VPS13A: variants seen among roughly 807,000 people sequenced by gnomAD.
VPS13A encodes intermembrane lipid transfer protein VPS13A.
Under a neutral mutation model 390.9 loss-of-function variants are expected in VPS13A, and 264 were observed. The observed-to-expected ratio is 0.68, with a 90% CI of 0.61 to 0.75. The LOEUF is 0.75. Ranked by LOEUF, VPS13A falls within the 30% of genes least tolerant of loss-of-function variation. The pLI, the probability that VPS13A is intolerant of heterozygous loss-of-function variation, is 0.00. For synonymous variants in VPS13A, 1,231 were observed against 1,227.1 expected, an observed-to-expected ratio of 1.00 and a Z score of -0.07; for missense variants, 3,409 against 3,733.9, an observed-to-expected ratio of 0.91 and a Z score of 2.27.
chr9:77,269,598 T>C (rs1304775068), intron 23 of VPS13A, among the ~76,000 whole-genome samples: 1 of 152,224 alleles, frequency 6.6e-6, no homozygotes, highest in African/African-American at 2.4e-5. Context: ...GTATCATTAA[T>C]TTGGGAGAAT....
intron 71 of VPS13A, among the ~76,000 whole-genome samples, chr9:77,410,509 TAG>T (rs572625579): frequency 0.012 from 1,846 of 150,754 alleles, 39 homozygotes; most frequent in African/African-American, 0.042. Flanking sequence ...GCAAATTGGA[TAG>T]AGTCAAGACC....
At chr9:77,184,033 A>G (rs1360914984) in intron 1 of VPS13A, among the ~76,000 whole-genome samples, 1 of 152,230 alleles carries the variant, frequency 6.6e-6, no homozygotes, top group East Asian at 1.9e-4. Flanking sequence ...CAGCATGTGT[A>G]TCATTAGAGT....
intron 9 of VPS13A, 38 bp downstream of exon 9, chr9:77,213,352 T>C: frequency 6.6e-7 from 1 of 1,519,770 alleles, no homozygotes; most frequent in Non-Finnish European, 9.1e-7. Flanking sequence ...GTTGGTATCA[T>C]ATTTTGCATG....
At chr9:77,350,640 T>TACA (rs1831404326) in intron 52 of VPS13A, among the ~76,000 whole-genome samples, 1 of 152,178 alleles carries the variant, frequency 6.6e-6, no homozygotes, top group Non-Finnish European at 1.5e-5. Context: ...AGAGTAACAT[T>TACA]TTTATTTTCT....
chr9:77,324,146 A>G (rs1323768737), intron 45 of VPS13A, among the ~76,000 whole-genome samples: 1 of 152,222 alleles, frequency 6.6e-6, no homozygotes, highest in Non-Finnish European at 1.5e-5. Context: ...TACAGGTTAT[A>G]TTAACCTCTA....
intron 1 of VPS13A, among the ~76,000 whole-genome samples, chr9:77,192,536 G>T (rs747378287): frequency 6.6e-6 from 1 of 152,136 alleles, no homozygotes; most frequent in Non-Finnish European, 1.5e-5. Flanking sequence ...GGCAAGTCTG[G>T]TGGTAATGAG....
chr9:77,219,851 G>T, intron 10 of VPS13A, 103 bp from the exon 11 acceptor site: 1 of 1,182,712 alleles, frequency 8.5e-7, no homozygotes, highest in Non-Finnish European at 1.2e-6. Context: ...CTGTAGAAGG[G>T]GTATAAAATA....
At chr9:77,402,822 C>T (rs1306306296) in intron 68 of VPS13A, among the ~76,000 whole-genome samples, 2 of 152,174 alleles carry the variant, frequency 1.3e-5, no homozygotes, top group Admixed American at 1.3e-4. Context: ...AAATTTCTAG[C>T]GCAAGGCAGA....
rs57841628 is a variant in VPS13A, at chr9:77,341,691, C to CTTTTTTTTTTTTTTTTTTTTTTTTTTT, written c.7026+1144_7026+1170dup. 1.1e-3 allele frequency among the ~76,000 whole-genome samples: 41 copies of CTTTTTTTTTTTTTTTTTTTTTTTTTTT among 37,842 alleles called. 7 individuals carry two copies. The highest frequency in any genetic ancestry group is 1.3e-3 in the Non-Finnish European group (29 of 21,612). 24.8% of individuals were successfully genotyped at this position (37,842 alleles called of 152,430 possible). A position where few individuals can be genotyped will look rare whatever the true frequency, so the allele number is the denominator to read the frequency against. On this transcript the variant is annotated intron_variant, in intron 50 of 71. Coordinates refer to ENST00000360280, the MANE Select transcript of VPS13A (RefSeq NM_033305.3). ...AGTAAGTTCTACATGGACATCTTTCCTTTTTTTTTTTTTTTTTTTTTTTTT... is the reference window on the plus strand; with the variant it reads ...AGTAAGTTCTACATGGACATCTTTCCTTTTTTTTTTTTTTTTTTTTTTTTTTTTTTTTTTTTTTTTTTTTTTTTTTTT...
At chr9:77,392,347 A>T (rs188922509) in intron 68 of VPS13A, among the ~76,000 whole-genome samples, 21 of 152,324 alleles carry the variant, frequency 1.4e-4, no homozygotes, top group African/African-American at 4.6e-4. Flanking sequence ...AATAAAAATT[A>T]TTTTGAGATA....
intron 62 of VPS13A, among the ~76,000 whole-genome samples, chr9:77,368,563 A>G (rs1832571271): frequency 6.6e-6 from 1 of 152,172 alleles, no homozygotes; most frequent in Admixed American, 6.5e-5. Flanking sequence ...GTTTTAGGAT[A>G]TAACTTAGAG....
Position 77,416,091 on chromosome 9 carries a change from C to A in VPS13A, c.*85C>A. 6.7e-7 allele frequency: 1 copy of A among 1,493,506 alleles called. No homozygotes were observed. Among genetic ancestry groups the A allele is most frequent in the Non-Finnish European group, 9.3e-7 (1 of 1,072,900 alleles). The allele number at this position is 1,493,506 out of a possible 1,614,324, so 92.5% of individuals were successfully genotyped here. A position where few individuals can be genotyped will look rare whatever the true frequency, so the allele number is the denominator to read the frequency against. On this transcript the variant is annotated 3_prime_UTR_variant, in exon 72 of 72. Transcript: ENST00000360280. ...CAAAACCTGTTTGGGAAGCATATTA[C>A]AGAAATGATTTCAAGTACCCTGTAT...
In VPS13A at chr9:77,417,649, A is replaced by C. The variant is rs1489059677; in HGVS notation, c.*1643A>C. 1 of 152,172 alleles carries C rather than the reference A, an allele frequency of 6.6e-6. No individual in the cohort carries two copies. The highest frequency in any genetic ancestry group is 6.6e-5 in the Admixed American group (1 of 15,264). 9.4% of individuals were successfully genotyped at this position (152,172 alleles called of 1,614,324 possible). A position where few individuals can be genotyped will look rare whatever the true frequency, so the allele number is the denominator to read the frequency against. ...GAGGTAGTCAGAAAGCTTGCATCAG[A>C]CTGTCCTCATCCAAAACGAAATACT... On this transcript the variant is annotated 3_prime_UTR_variant, in exon 72 of 72. Transcript: ENST00000360280.
chr9:77,206,012 A>T lies in VPS13A; in HGVS notation c.318A>T (p.Gln106His). 1 of 1,583,350 alleles carries T rather than the reference A, an allele frequency of 6.3e-7. No homozygotes were observed. The highest frequency in any genetic ancestry group is 8.6e-7 in the Non-Finnish European group (1 of 1,162,796). ...ATGATCCTTTAAAAGAAGAGAAACA[A>T]CTCATGGAAGCAAAGCAACAGGAAC... ...IKYDPLKEEK[Q>H]LMEAKQQELK... The change falls in exon 5 of 72, where the codon CAA becomes CAT. Residue 106 changes from glutamine to histidine, a missense_variant. This residue lies in a region of VPS13A where 2,717 missense variants were observed against 2,917.4 expected (regional missense o/e 0.93). Coordinates refer to ENST00000360280, the MANE Select transcript of VPS13A (RefSeq NM_033305.3).
chr9:77,323,146 G>A lies in VPS13A; in HGVS notation c.5910G>A (p.Glu1970=). ...GTCTGTACACTGTAAGACACAGAGA[G>A]TCTGGCGTTGAAAGATCTATTGTTT... ...GRRLYTVRHR[E]SGVERSIVCQ... Residue 1970 remains glutamate (E), a synonymous_variant, in exon 45 of 72, where the codon GAG becomes GAA. Transcript: ENST00000360280. 1 of 1,613,622 alleles carries A rather than the reference G, an allele frequency of 6.2e-7. No individual in the cohort carries two copies.
intron 45 of VPS13A, among the ~76,000 whole-genome samples, chr9:77,325,010 A>AT (rs1388933267): frequency 1.3e-5 from 2 of 152,230 alleles, no homozygotes; most frequent in Non-Finnish European, 2.9e-5. Flanking sequence ...AGCTCCACCC[A>AT]TGTGTGTTCC....
intron 68 of VPS13A, among the ~76,000 whole-genome samples, chr9:77,388,751 T>C (rs1406693395): frequency 2.0e-5 from 3 of 152,206 alleles, no homozygotes; most frequent in Admixed American, 6.5e-5. Flanking sequence ...TAGCTAAGTA[T>C]ACCCAGTTTG....
At chr9:77,346,525 G>C (rs1343353620) in intron 52 of VPS13A, among the ~76,000 whole-genome samples, 2 of 152,110 alleles carry the variant, frequency 1.3e-5, no homozygotes, top group African/African-American at 4.8e-5. Flanking sequence ...TAGCTTTTTA[G>C]TTTAATTAGG....
intron 40 of VPS13A, 123 bp downstream of exon 40, chr9:77,317,821 C>T (rs550287947): frequency 1.3e-4 from 77 of 593,252 alleles, no homozygotes; most frequent in Non-Finnish European, 1.9e-4. Context: ...TTTGAAAATA[C>T]GTTTTTATGA....
Sources: allele counts gnomAD v4.1 joint callset (sites outside exome capture counted in the v4.1 genomes callset), GRCh38; gene constraint gnomAD v4.1.1; regional missense constraint gnomAD v4.1.1; transcripts MANE v1.5; gene names NCBI Gene and HGNC (gene_info 2026-07-23, HGNC 2026-07-21).